The following GALNTL6 variants were observed in gnomAD, a reference collection of about 807,000 sequenced individuals.
GALNTL6 encodes the protein polypeptide N-acetylgalactosaminyltransferase-like 6.
GALNTL6 carries 46 observed loss-of-function variants against 73.7 expected under a neutral mutation model. The observed-to-expected ratio is 0.62, with a 90% confidence interval of 0.49 to 0.80. The LOEUF is 0.80. Among genes scored for constraint, GALNTL6 ranks in the 30% least tolerant of loss-of-function variants. The pLI is 0.00. For synonymous variants in GALNTL6, 259 were observed against 263.7 expected (o/e 0.98, Z 0.17); for missense variants, 604 against 755.0 (o/e 0.80, Z 2.34).
intron 2 of GALNTL6, among the ~76,000 whole-genome samples, chr4:171,881,978 C>T (rs1358476094): frequency 6.6e-6 from 1 of 152,168 alleles, no homozygotes; most frequent in Non-Finnish European, 1.5e-5. Context: ...TAACACATCC[C>T]TAACAATAAC....
chr4:172,548,875 T>G (rs556298566), intron 5 of GALNTL6, among the ~76,000 whole-genome samples: 1 of 152,290 alleles, frequency 6.6e-6, no homozygotes, highest in East Asian at 1.9e-4. Context: ...TAATCAGGAT[T>G]TTTTTCAGGC....
intron 5 of GALNTL6, among the ~76,000 whole-genome samples, chr4:172,705,023 C>T (rs548119703): frequency 6.6e-6 from 1 of 151,982 alleles, no homozygotes; most frequent in East Asian, 1.9e-4. Flanking sequence ...TTTGTGGTTT[C>T]AATTTATATA....
At chr4:172,909,825 A>G (rs770848153) in intron 8 of GALNTL6, among the ~76,000 whole-genome samples, 3 of 152,148 alleles carry the variant, frequency 2.0e-5, no homozygotes, top group Non-Finnish European at 4.4e-5. Context: ...TGACACATAT[A>G]CAACACATGT....
intron 2 of GALNTL6, among the ~76,000 whole-genome samples, chr4:171,854,067 T>C (rs1434368427): frequency 1.3e-5 from 2 of 152,190 alleles, no homozygotes; most frequent in Non-Finnish European, 1.5e-5. Context: ...ATAATGACTA[T>C]TCATTGTGAA....
At chr4:172,012,200 C>A (rs538590257) in intron 2 of GALNTL6, among the ~76,000 whole-genome samples, 1 of 152,206 alleles carries the variant, frequency 6.6e-6, no homozygotes, top group East Asian at 1.9e-4. Context: ...TCTTCTCCTG[C>A]AGGCACAAGA....
intron 2 of GALNTL6, among the ~76,000 whole-genome samples, chr4:172,148,323 T>A (rs372596283): frequency 2.0e-5 from 3 of 152,318 alleles, no homozygotes; most frequent in African/African-American, 7.2e-5. Context: ...ACACTAGAGA[T>A]CCATTAAGTC....
At chr4:172,038,508 C>A (rs901259708) in intron 2 of GALNTL6, among the ~76,000 whole-genome samples, 3 of 152,112 alleles carry the variant, frequency 2.0e-5, no homozygotes, top group Non-Finnish European at 4.4e-5. Context: ...CCCCCAACAA[C>A]AAAATTCAAA....
chr4:172,123,019 G>T (rs1222598190), intron 2 of GALNTL6, among the ~76,000 whole-genome samples: 1 of 152,092 alleles, frequency 6.6e-6, no homozygotes, highest in Non-Finnish European at 1.5e-5. Context: ...TCTTTACATT[G>T]ATCAGACAAG....
chr4:172,635,845 C>T (rs1032166724), intron 5 of GALNTL6, among the ~76,000 whole-genome samples: 7 of 152,266 alleles, frequency 4.6e-5, no homozygotes, highest in Admixed American at 2.0e-4. Flanking sequence ...TTAAATTATT[C>T]ATTTGTTTCT....
intron 2 of GALNTL6, among the ~76,000 whole-genome samples, chr4:172,223,269 C>G (rs1056834390): frequency 6.6e-6 from 1 of 151,946 alleles, no homozygotes; most frequent in Non-Finnish European, 1.5e-5. Flanking sequence ...ATGTAAATAA[C>G]AAGATAATTC....
intron 5 of GALNTL6, among the ~76,000 whole-genome samples, chr4:172,459,528 A>G (rs1732533079): frequency 6.6e-6 from 1 of 152,234 alleles, no homozygotes; most frequent in African/African-American, 2.4e-5. Context: ...TCAGGATACA[A>G]AATTAATGTG....
At chr4:172,737,517 G>C (rs1271404103) in intron 5 of GALNTL6, among the ~76,000 whole-genome samples, 1 of 151,988 alleles carries the variant, frequency 6.6e-6, no homozygotes, top group Admixed American at 6.6e-5. Flanking sequence ...TTTCTAAATT[G>C]ATTTTCTATA....
intron 3 of GALNTL6, among the ~76,000 whole-genome samples, chr4:172,265,954 A>C (rs1738437687): frequency 6.6e-6 from 1 of 152,082 alleles, no homozygotes; most frequent in Non-Finnish European, 1.5e-5. Flanking sequence ...TATTCTCCAC[A>C]TTAAAATTTA....
At chr4:172,771,324 T>G (rs1052121197) in intron 5 of GALNTL6, among the ~76,000 whole-genome samples, 4 of 152,200 alleles carry the variant, frequency 2.6e-5, no homozygotes, top group Non-Finnish European at 5.9e-5. Flanking sequence ...GAAAAAGGTT[T>G]TAGAAAGGCC....
At chr4:172,915,118 T>C (rs1287397672) in intron 8 of GALNTL6, among the ~76,000 whole-genome samples, 1 of 152,158 alleles carries the variant, frequency 6.6e-6, no homozygotes, top group Admixed American at 6.5e-5. Context: ...CACAACTACA[T>C]GGAAACTGAA....
intron 2 of GALNTL6, among the ~76,000 whole-genome samples, chr4:171,974,703 A>G (rs1208428471): frequency 6.6e-6 from 1 of 152,182 alleles, no homozygotes; most frequent in Non-Finnish European, 1.5e-5. Context: ...ACAATTACTT[A>G]AGCATACATT....
chr4:172,663,357 AG>A (rs1731481206), intron 5 of GALNTL6, among the ~76,000 whole-genome samples: 1 of 151,410 alleles, frequency 6.6e-6, no homozygotes, highest in Non-Finnish European at 1.5e-5. Context: ...CCAGCCTAGA[AG>A]GATAGATAAC....
At chr4:172,904,468 T>A (rs1011431821) in intron 8 of GALNTL6, among the ~76,000 whole-genome samples, 7 of 152,198 alleles carry the variant, frequency 4.6e-5, no homozygotes, top group Admixed American at 3.3e-4. Context: ...TGTTATGGGA[T>A]GAGGCTGTCT....
At chr4:172,662,222 C>A (rs1731413484) in intron 5 of GALNTL6, among the ~76,000 whole-genome samples, 1 of 152,132 alleles carries the variant, frequency 6.6e-6, no homozygotes, top group South Asian at 2.1e-4. Context: ...CATTTCTATA[C>A]CCTCTGCATG....
Sources: gnomAD v4.1 joint callset for allele counts (sites outside exome capture counted in the v4.1 genomes callset) on GRCh38, gnomAD v4.1.1 for gene constraint, MANE v1.5 for transcripts, NCBI Gene and HGNC (gene_info 2026-07-23, HGNC 2026-07-21) for gene names.